The following POU2F1 variants were observed in gnomAD, a reference collection of about 807,000 sequenced individuals.
The protein encoded by POU2F1 is POU class 2 homeobox 1, also known as POU domain, class 2, transcription factor 1.
POU2F1 carries 16 observed loss-of-function variants against 84.9 expected under a neutral mutation model. That is an observed-to-expected ratio of 0.19 (90% CI 0.13 to 0.29). POU2F1 has a LOEUF of 0.29. POU2F1 is among the 10% of genes least tolerant of loss of function. POU2F1 has a pLI of 1.00. For synonymous variants in POU2F1, 368 were observed against 368.3 expected (o/e 1.00, Z 0.01); for missense variants, 738 against 942.6 (o/e 0.78, Z 2.84).
chr1:167,315,425 A>C (rs563100987), intron 1 of POU2F1, among the ~76,000 whole-genome samples: 1 of 152,212 alleles, frequency 6.6e-6, no homozygotes, highest in East Asian at 1.9e-4. Context: ...GGTTTATTTT[A>C]ATAACCTAAA....
chr1:167,306,804 G>T (rs1040685508), intron 1 of POU2F1, among the ~76,000 whole-genome samples: 3 of 152,070 alleles, frequency 2.0e-5, no homozygotes, highest in Non-Finnish European at 4.4e-5. Context: ...AATCATATTG[G>T]ATTAGGCCCA....
chr1:167,389,006 A>G (rs1360059055), intron 8 of POU2F1, among the ~76,000 whole-genome samples: 1 of 152,246 alleles, frequency 6.6e-6, no homozygotes, highest in African/African-American at 2.4e-5. Context: ...TTTGTATACC[A>G]TAATTACAGT....
rs1183784774 is a variant in POU2F1 at position 167,419,863 on chromosome 1, CT to C, written c.*4059del. ...AATGCTAGCACTGTAAGAAATAAGT[CT>C]TTTTTGTTTAAAAAAGGGAAGATAA... On this transcript the variant is annotated 3_prime_UTR_variant, in exon 16 of 16. Transcript: ENST00000367866. 1 of 152,060 alleles carries C rather than the reference CT, an allele frequency of 6.6e-6. No homozygotes were observed. The highest frequency in any genetic ancestry group is 1.5e-5 in the Non-Finnish European group (1 of 68,006). 9.4% of individuals were successfully genotyped at this position (152,060 alleles called of 1,614,324 possible). A position where few individuals can be genotyped will look rare whatever the true frequency, so the allele number is the denominator to read the frequency against.
chr1:167,288,540 A>G (rs1180278741), intron 1 of POU2F1, among the ~76,000 whole-genome samples: 1 of 152,156 alleles, frequency 6.6e-6, no homozygotes, highest in East Asian at 1.9e-4. Flanking sequence ...ACAGTTAAAA[A>G]TTAGCCAGGT....
At chr1:167,258,466 T>C (rs1257708992) in intron 1 of POU2F1, among the ~76,000 whole-genome samples, 1 of 152,246 alleles carries the variant, frequency 6.6e-6, no homozygotes, top group African/African-American at 2.4e-5. Context: ...TGCATTAATT[T>C]GTTTTGCTTT....
intron 1 of POU2F1, among the ~76,000 whole-genome samples, chr1:167,261,663 T>C (rs575441973): frequency 6.6e-5 from 10 of 152,186 alleles, no homozygotes; most frequent in Middle Eastern, 3.2e-3. Flanking sequence ...GAAATTCATA[T>C]TCAATTTAGG....
chr1:167,319,624 C>T (rs1656169935), intron 1 of POU2F1, among the ~76,000 whole-genome samples: 1 of 151,700 alleles, frequency 6.6e-6, no homozygotes, highest in Admixed American at 6.6e-5. Flanking sequence ...GGGCATTGTC[C>T]CTTTTAATAG....
chr1:167,300,266 A>G (rs1357184835), intron 1 of POU2F1, among the ~76,000 whole-genome samples: 1 of 152,172 alleles, frequency 6.6e-6, no homozygotes, highest in Non-Finnish European at 1.5e-5. Flanking sequence ...GGGGACTCCA[A>G]AACGGTCAGG....
chr1:167,364,825 T>C (rs1181762191), intron 2 of POU2F1, among the ~76,000 whole-genome samples: 1 of 151,984 alleles, frequency 6.6e-6, no homozygotes, highest in East Asian at 1.9e-4. Flanking sequence ...CACCTTGGCC[T>C]CCCAAAGTGC....
intron 1 of POU2F1, among the ~76,000 whole-genome samples, chr1:167,274,062 A>G (rs1419468689): frequency 1.3e-5 from 2 of 152,156 alleles, no homozygotes; most frequent in African/African-American, 4.8e-5. Context: ...TAAAAATACG[A>G]TTTTCCCCAA....
At chr1:167,299,381 A>G (rs1301873143) in intron 1 of POU2F1, among the ~76,000 whole-genome samples, 2 of 152,200 alleles carry the variant, frequency 1.3e-5, no homozygotes, top group Non-Finnish European at 1.5e-5. Context: ...CTTCATACTC[A>G]TCTTTACATA....
At chr1:167,414,925 T>A (rs1252929890) in intron 15 of POU2F1, among the ~76,000 whole-genome samples, 2 of 151,796 alleles carry the variant, frequency 1.3e-5, no homozygotes, top group Non-Finnish European at 2.9e-5. Flanking sequence ...CAGGGACTGG[T>A]TTTCTGGAAG....
chr1:167,315,401 G>A (rs1456666822), intron 1 of POU2F1, among the ~76,000 whole-genome samples: 3 of 152,064 alleles, frequency 2.0e-5, no homozygotes, highest in South Asian at 2.1e-4. Context: ...TCCTATGTAC[G>A]AATGTTTACA....
intron 1 of POU2F1, among the ~76,000 whole-genome samples, chr1:167,327,208 C>T (rs1477341023): frequency 1.3e-5 from 2 of 152,186 alleles, no homozygotes; most frequent in East Asian, 3.8e-4. Flanking sequence ...GATGTCTGCC[C>T]TGGCACAACT....
chr1:167,391,745 A>G (rs1413567714), intron 9 of POU2F1, among the ~76,000 whole-genome samples: 1 of 150,098 alleles, frequency 6.7e-6, no homozygotes, highest in East Asian at 2.0e-4. Context: ...TTTTGTAGAG[A>G]CAAGGTCTTG....
intron 1 of POU2F1, among the ~76,000 whole-genome samples, chr1:167,316,552 C>T (rs1258988919): frequency 6.6e-6 from 1 of 151,522 alleles, no homozygotes; most frequent in Non-Finnish European, 1.5e-5. Context: ...ATGACTGCCA[C>T]TGTATTATTA....
rs538120090 is a variant in POU2F1, at chr1:167,409,468, C to T, written c.1556-2491C>T. Among the ~76,000 whole-genome samples the T allele has an allele frequency of 9.2e-5, 14 of 152,200 alleles. No homozygotes were observed. In the South Asian group the frequency reaches 2.5e-3, roughly 27 times the overall value. ...CAAAGTTACCCAAGTAATTAAATTG[C>T]CAAGTTGCCAAGAATTTACAGTCAT... On this transcript the variant is annotated intron_variant, in intron 13 of 15. Coordinates refer to ENST00000367866, the MANE Select transcript of POU2F1 (RefSeq NM_002697.4).
rs541288748 is a variant in POU2F1 at position 167,389,614 on chromosome 1, A to G, written c.840A>G (p.Ala280=). ...CAGCAACCCCAACACGCACAATAGC[A>G]GCAACCCCAATTCAGACACTTCCAC... ...SQPATPTRTI[A]ATPIQTLPQS... Residue 280 remains alanine, a synonymous_variant, in exon 9 of 16, where the codon GCA becomes GCG. Coordinates refer to ENST00000367866, the MANE Select transcript of POU2F1 (RefSeq NM_002697.4). The G allele has an allele frequency of 1.9e-6, 3 of 1,614,178 alleles. No homozygotes were observed. The South Asian group carries it at 3.3e-5, about 18-fold the overall frequency.
intron 1 of POU2F1, among the ~76,000 whole-genome samples, chr1:167,261,404 G>A (rs1651558694): frequency 6.6e-6 from 1 of 152,136 alleles, no homozygotes; most frequent in South Asian, 2.1e-4. Context: ...TAAGATAATG[G>A]GGCCAGTGAG....
Sources: gnomAD v4.1 joint callset for allele counts (sites outside exome capture counted in the v4.1 genomes callset) on GRCh38, gnomAD v4.1.1 for gene constraint, MANE v1.5 for transcripts, NCBI Gene and HGNC (gene_info 2026-07-23, HGNC 2026-07-21) for gene names.